Variants in ADARB2 observed in about 807,000 individuals in gnomAD.
ADARB2 encodes the protein inactive double-stranded RNA-specific editase B2.
Under a neutral mutation model 62.2 loss-of-function variants are expected in ADARB2, and 25 were observed. That is an observed-to-expected ratio of 0.40 (90% CI 0.29 to 0.56). The LOEUF is 0.56. Among genes scored for constraint, ADARB2 ranks in the 20% least tolerant of loss-of-function variants. The pLI, the probability that ADARB2 is intolerant of heterozygous loss-of-function variation, is 0.43. For synonymous variants in ADARB2, 572 were observed against 500.8 expected (o/e 1.14, Z -1.90); for missense variants, 1,071 against 1,077.4 (o/e 0.99, Z 0.08).
At chr10:1,431,987 C>T (rs376233160) in intron 1 of ADARB2, among the ~76,000 whole-genome samples, 81 of 152,274 alleles carry the variant, frequency 5.3e-4, no homozygotes, top group African/African-American at 1.6e-3. Context: ...TTCAGCTCCC[C>T]GCCACACTTC....
intron 1 of ADARB2, among the ~76,000 whole-genome samples, chr10:1,706,813 G>A (rs540025893): frequency 3.3e-5 from 5 of 151,672 alleles, no homozygotes; most frequent in African/African-American, 1.2e-4. Context: ...AACAGGAGGA[G>A]ACTGATGGGG....
At chr10:1,455,160 G>A (rs1366045484) in intron 1 of ADARB2, among the ~76,000 whole-genome samples, 4 of 152,188 alleles carry the variant, frequency 2.6e-5, no homozygotes, top group African/African-American at 9.7e-5. Flanking sequence ...ATGAATAGTT[G>A]GCAGCTGGCT....
At chr10:1,585,387 A>AT (rs1409816819) in intron 1 of ADARB2, among the ~76,000 whole-genome samples, 3 of 152,160 alleles carry the variant, frequency 2.0e-5, no homozygotes, top group Admixed American at 6.5e-5. Context: ...CGCTACAAAG[A>AT]TAAAAAAAAG....
At chr10:1,438,756 G>C (rs1313804341) in intron 1 of ADARB2, among the ~76,000 whole-genome samples, 1 of 151,204 alleles carries the variant, frequency 6.6e-6, no homozygotes, top group Non-Finnish European at 1.5e-5. Flanking sequence ...CTTCACTATG[G>C]GGCTCCTGAG....
chr10:1,338,979 G>A lies in ADARB2; in HGVS notation c.1077+24049C>T, dbSNP rs11250429. Among the ~76,000 whole-genome samples, 92 of 152,310 alleles carry A rather than the reference G, an allele frequency of 6.0e-4. 1 individual carries two copies. In the East Asian group the frequency reaches 0.017, roughly 29 times the overall value. ...CATTCCAACACCAGCAGCCTCGGCT[G>A]GGTCTCATACTCTGGATTCAAAGCA... On this transcript the variant is annotated intron_variant, in intron 3 of 9. Transcript: ENST00000381312.
chr10:1,295,109 T>C (rs1331644768), intron 3 of ADARB2, among the ~76,000 whole-genome samples: 1 of 152,208 alleles, frequency 6.6e-6, no homozygotes, highest in Admixed American at 6.5e-5. Context: ...GAAATGCCGG[T>C]GTTCCAGGAA....
chr10:1,719,032 C>T (rs1157128680), intron 1 of ADARB2, among the ~76,000 whole-genome samples: 3 of 152,032 alleles, frequency 2.0e-5, no homozygotes, highest in African/African-American at 7.3e-5. Context: ...GTGATGTCAG[C>T]TCGCTGCAAC....
At chr10:1,706,954 C>T (rs1416347045) in intron 1 of ADARB2, among the ~76,000 whole-genome samples, 3 of 36,172 alleles carry the variant, frequency 8.3e-5, no homozygotes, top group Non-Finnish European at 2.6e-4. Flanking sequence ...TTTCTTTGGG[C>T]AAAGGGTTTC....
intron 1 of ADARB2, among the ~76,000 whole-genome samples, chr10:1,564,262 T>C (rs1312765085): frequency 1.3e-5 from 2 of 152,212 alleles, no homozygotes. Context: ...GTAAAAGTGT[T>C]CCTATTTCTC....
chr10:1,686,921 A>G (rs1834603248), intron 1 of ADARB2, among the ~76,000 whole-genome samples: 2 of 151,940 alleles, frequency 1.3e-5, no homozygotes, highest in Admixed American at 1.3e-4. Context: ...AAATGAAGAA[A>G]TTACATTTTT....
chr10:1,213,985 C>T (rs1448273919), intron 7 of ADARB2, among the ~76,000 whole-genome samples: 3 of 72,198 alleles, frequency 4.2e-5, no homozygotes, highest in South Asian at 5.0e-4. Flanking sequence ...TAGGTTTGTA[C>T]CTGTGCCCAG....
intron 1 of ADARB2, among the ~76,000 whole-genome samples, chr10:1,529,350 C>T (rs553551562): frequency 1.3e-5 from 2 of 152,302 alleles, no homozygotes; most frequent in African/African-American, 2.4e-5. Flanking sequence ...CACAAATCCT[C>T]CAATCAGTCC....
At chr10:1,654,685 C>T (rs539237584) in intron 1 of ADARB2, among the ~76,000 whole-genome samples, 18 of 152,356 alleles carry the variant, frequency 1.2e-4, no homozygotes, top group African/African-American at 3.8e-4. Context: ...GGACCGATCC[C>T]GAAGTGCAGT....
chr10:1,396,600 G>A (rs4322313), intron 1 of ADARB2, among the ~76,000 whole-genome samples: 55,851 of 129,716 alleles, frequency 0.43, 10,305 homozygotes, highest in Middle Eastern at 0.55. Flanking sequence ...CAGGCTTCCT[G>A]GGTCACCGTC....
chr10:1,198,791 G>A (rs781693286), intron 8 of ADARB2, among the ~76,000 whole-genome samples: 1 of 152,222 alleles, frequency 6.6e-6, no homozygotes, highest in Non-Finnish European at 1.5e-5. Flanking sequence ...ATGTTGACAT[G>A]TTCCCAGATG....
intron 1 of ADARB2, among the ~76,000 whole-genome samples, chr10:1,408,189 AT>A (rs1181155023): frequency 1.3e-5 from 2 of 152,214 alleles, no homozygotes; most frequent in Non-Finnish European, 1.5e-5. Flanking sequence ...CCCCTTTCCC[AT>A]TTAATATTAC....
rs10665720 is a variant in ADARB2 at position 1,196,206 on chromosome 10, C to CTTTTTT, written c.1864+3754_1864+3759dup. ...GGTCACTTTTTAATCCTTCTTTTGC[C>CTTTTTT]TTTTTTTTTTTTTTTTTTTGACAAA... On this transcript the variant is annotated intron_variant, in intron 8 of 9. Transcript: ENST00000381312. 2.7e-4 allele frequency among the ~76,000 whole-genome samples: 33 copies of CTTTTTT among 120,902 alleles called. 1 individual carries two copies. Among genetic ancestry groups the CTTTTTT allele is most frequent in the African/African-American group, 9.7e-4 (30 of 30,822 alleles). The allele number at this position is 120,902 out of a possible 152,430, so 79.3% of individuals were successfully genotyped here.
chr10:1,541,081 T>C (rs865948414), intron 1 of ADARB2, among the ~76,000 whole-genome samples: 835 of 36,722 alleles, frequency 0.023, no homozygotes, highest in Non-Finnish European at 0.03. Flanking sequence ...CACTCAGATG[T>C]AGTTCAGACC....
intron 3 of ADARB2, among the ~76,000 whole-genome samples, chr10:1,340,128 C>T (rs151338298): frequency 0.038 from 5,377 of 140,770 alleles, 157 homozygotes; most frequent in Middle Eastern, 0.052. Context: ...GAGAACCACG[C>T]GCCCCACAGT....
Sources: gnomAD v4.1 joint callset for allele counts (sites outside exome capture counted in the v4.1 genomes callset) on GRCh38, gnomAD v4.1.1 for gene constraint, MANE v1.5 for transcripts, NCBI Gene and HGNC (gene_info 2026-07-23, HGNC 2026-07-21) for gene names.